TSHZ2: variants seen among roughly 807,000 people sequenced by gnomAD.
TSHZ2 encodes the protein teashirt zinc finger homeobox 2, also known as teashirt homolog 2.
Under a neutral mutation model 74.4 loss-of-function variants are expected in TSHZ2, and 21 were observed. The observed-to-expected ratio is 0.28, with a 90% CI of 0.20 to 0.41. The LOEUF is 0.41. Ranked by LOEUF, TSHZ2 falls within the 10% of genes least tolerant of loss-of-function variation. The pLI is 1.00. For synonymous variants in TSHZ2, 540 were observed against 515.3 expected, an observed-to-expected ratio of 1.05 and a Z score of -0.65; for missense variants, 1,244 against 1,293.5, an observed-to-expected ratio of 0.96 and a Z score of 0.59.
At chr20:53,353,210 G>T (rs1455635143) in intron 2 of TSHZ2, among the ~76,000 whole-genome samples, 1 of 152,184 alleles carries the variant, frequency 6.6e-6, no homozygotes, top group Non-Finnish European at 1.5e-5. Flanking sequence ...AGATGGCCTG[G>T]AAGATTTCCC....
At chr20:53,079,778 C>T (rs1317799866) in intron 1 of TSHZ2, among the ~76,000 whole-genome samples, 2 of 152,156 alleles carry the variant, frequency 1.3e-5, no homozygotes, top group Non-Finnish European at 2.9e-5. Flanking sequence ...CACAAAAGCA[C>T]CAGCAGATAG....
chr20:52,975,935 C>G (rs1311868631), intron 1 of TSHZ2, among the ~76,000 whole-genome samples: 1 of 152,196 alleles, frequency 6.6e-6, no homozygotes, highest in East Asian at 1.9e-4. Flanking sequence ...CAATGCACAA[C>G]TGTAAGTAAT....
chr20:53,295,882 T>C (rs1991369107), intron 2 of TSHZ2, among the ~76,000 whole-genome samples: 1 of 152,138 alleles, frequency 6.6e-6, no homozygotes, highest in African/African-American at 2.4e-5. Flanking sequence ...CAGCCATCTT[T>C]CACTTTATAG....
At chr20:53,341,713 A>T (rs1435994973) in intron 2 of TSHZ2, among the ~76,000 whole-genome samples, 1 of 151,628 alleles carries the variant, frequency 6.6e-6, no homozygotes, top group Non-Finnish European at 1.5e-5. Context: ...TTTGTGGGGC[A>T]GGGGGGTGCG....
At chr20:53,446,861 A>G (rs1984571374) in intron 2 of TSHZ2, among the ~76,000 whole-genome samples, 1 of 152,156 alleles carries the variant, frequency 6.6e-6, no homozygotes, top group Non-Finnish European at 1.5e-5. Flanking sequence ...ATTCAGGAAG[A>G]CTTCTAACTT....
At chr20:53,309,774 AT>A (rs1239676831) in intron 2 of TSHZ2, among the ~76,000 whole-genome samples, 1 of 152,196 alleles carries the variant, frequency 6.6e-6, no homozygotes, top group Non-Finnish European at 1.5e-5. Flanking sequence ...ATTCAAAGTC[AT>A]TTGAAAGTGG....
At chr20:53,308,553 C>T (rs886390641) in intron 2 of TSHZ2, among the ~76,000 whole-genome samples, 7 of 152,018 alleles carry the variant, frequency 4.6e-5, no homozygotes, top group African/African-American at 1.5e-4. Context: ...GTCGAATGCA[C>T]GTTGAGCTGC....
chr20:53,354,754 TTTAATA>T (rs1811522268), intron 2 of TSHZ2, among the ~76,000 whole-genome samples: 1 of 152,210 alleles, frequency 6.6e-6, no homozygotes, highest in Non-Finnish European at 1.5e-5. Flanking sequence ...AAGACTTTCC[TTTAATA>T]TTGATAAAGA....
intron 2 of TSHZ2, among the ~76,000 whole-genome samples, chr20:53,481,252 T>A (rs2870259): frequency 2.0e-5 from 2 of 97,566 alleles, no homozygotes; most frequent in South Asian, 6.6e-4. Context: ...AGAAATGAGG[T>A]TTTTACTTTA....
At chr20:53,476,302 T>G (rs1223057553) in intron 2 of TSHZ2, among the ~76,000 whole-genome samples, 2 of 140,748 alleles carry the variant, frequency 1.4e-5, no homozygotes, top group Non-Finnish European at 3.1e-5. Context: ...ATCAAAAAGC[T>G]TATCCACCAT....
At chr20:53,362,438 C>T (rs1981103533) in intron 2 of TSHZ2, among the ~76,000 whole-genome samples, 1 of 152,184 alleles carries the variant, frequency 6.6e-6, no homozygotes, top group South Asian at 2.1e-4. Context: ...CCCACCTCGG[C>T]CTCCCAAAGT....
rs1339571184 is a variant in TSHZ2, at chr20:53,008,979, T to TCC, written c.40+35647_40+35648dup. Among the ~76,000 whole-genome samples the TCC allele has an allele frequency of 1.3e-3, 165 of 124,328 alleles. 1 individual carries two copies. Among genetic ancestry groups the TCC allele is most frequent in the African/African-American group, 5.1e-3 (157 of 30,624 alleles). 81.6% of individuals were successfully genotyped at this position (124,328 alleles called of 152,430 possible). On this transcript the variant is annotated intron_variant, in intron 1 of 2. Transcript: ENST00000371497. ...AGAAGTTATTTGAATGTTGTCTTTCTCCTCTCTCTCTCTCTCTCTCTCTCT... is the reference window on the plus strand; with the variant it reads ...AGAAGTTATTTGAATGTTGTCTTTCTCCCCTCTCTCTCTCTCTCTCTCTCTCT...
chr20:53,419,601 A>G (rs1983394313), intron 2 of TSHZ2, among the ~76,000 whole-genome samples: 2 of 152,190 alleles, frequency 1.3e-5, no homozygotes, highest in Admixed American at 1.3e-4. Flanking sequence ...AGCAAAGCCA[A>G]TATTTGAACT....
chr20:53,061,922 C>T (rs1984835300), intron 1 of TSHZ2, among the ~76,000 whole-genome samples: 4 of 152,182 alleles, frequency 2.6e-5, no homozygotes, highest in Admixed American at 2.6e-4. Flanking sequence ...TTTCTGATAT[C>T]ATTTTCCCAA....
chr20:53,460,105 C>T (rs1238838565), intron 2 of TSHZ2, among the ~76,000 whole-genome samples: 1 of 151,948 alleles, frequency 6.6e-6, no homozygotes, highest in African/African-American at 2.4e-5. Context: ...CGTTGGCCTG[C>T]CTTGCTAGAT....
intron 2 of TSHZ2, among the ~76,000 whole-genome samples, chr20:53,278,999 C>A (rs755108378): frequency 6.6e-6 from 1 of 152,150 alleles, no homozygotes; most frequent in Non-Finnish European, 1.5e-5. Flanking sequence ...ATGTTATATG[C>A]GTTATATACA....
chr20:53,422,185 A>C (rs181860916), intron 2 of TSHZ2, among the ~76,000 whole-genome samples: 18 of 152,344 alleles, frequency 1.2e-4, no homozygotes, highest in Non-Finnish European at 2.5e-4. Flanking sequence ...AACGAAAAAA[A>C]GGTCATATCC....
chr20:53,396,805 G>A (rs966800231), intron 2 of TSHZ2, among the ~76,000 whole-genome samples: 17 of 146,372 alleles, frequency 1.2e-4, no homozygotes, highest in Admixed American at 2.8e-4. Context: ...CCAAGATGGC[G>A]CCACTGCACT....
At chr20:53,464,020 G>A (rs563486514) in intron 2 of TSHZ2, among the ~76,000 whole-genome samples, 11 of 152,256 alleles carry the variant, frequency 7.2e-5, no homozygotes, top group East Asian at 5.8e-4. Context: ...GTCACCACCC[G>A]CAAAATGGTA....
Sources: allele counts gnomAD v4.1 joint callset (sites outside exome capture counted in the v4.1 genomes callset), GRCh38; gene constraint gnomAD v4.1.1; transcripts MANE v1.5; gene names NCBI Gene and HGNC (gene_info 2026-07-23, HGNC 2026-07-21).